Variants in MSH3 observed in about 807,000 individuals in gnomAD.
MSH3 encodes the protein mutS homolog 3.
In MSH3, 106 loss-of-function variants were observed where a neutral mutation model predicts 123.3. The ratio of observed to expected loss-of-function variants is 0.86; its 90% CI spans 0.73 to 1.01. The LOEUF is 1.01. MSH3 is among the 50% of genes least tolerant of loss of function. The pLI, the probability that MSH3 is intolerant of heterozygous loss-of-function variation, is 0.00. For synonymous variants in MSH3, 515 were observed against 481.4 expected (o/e 1.07, Z -0.91); for missense variants, 1,459 against 1,347.6 (o/e 1.08, Z -1.29).
rs759757672 is a variant in MSH3 at position 80,875,814 on chromosome 5, G to A, written c.3366G>A (p.Trp1122Ter). 1.9e-6 allele frequency: 3 copies of A among 1,613,772 alleles called. No individual in the cohort carries two copies. The Admixed American group carries it at 5.0e-5, about 27-fold the overall frequency. The change falls in exon 24 of 24, where the codon TGG becomes TGA. Residue 1122 changes from tryptophan to a stop codon, truncating the protein, a stop_gained. Transcript: ENST00000265081. LOFTEE classifies it low-confidence loss of function (END_TRUNC). ...ATAATGCACAAGACCTGCAGAAGTG[G>A]ACAGAGGAGTTCAACATGGAAGAAA... ...TMHNAQDLQK[W>*]TEEFNMEETQ...
At chr5:80,798,571 G>A (rs1348582257) in intron 19 of MSH3, among the ~76,000 whole-genome samples, 1 of 152,120 alleles carries the variant, frequency 6.6e-6, no homozygotes, top group East Asian at 1.9e-4. Context: ...TAATTCCATG[G>A]CTAAATTATA....
chr5:80,875,203 A>G (rs191310568), intron 23 of MSH3, among the ~76,000 whole-genome samples: 37 of 152,308 alleles, frequency 2.4e-4, no homozygotes, highest in African/African-American at 2.4e-4. Context: ...GAGACCAGCA[A>G]GGACAGGACA....
At position 80,768,949 on chromosome 5, in the gene MSH3, A is replaced by T; in HGVS notation, c.2199A>T (p.Ile733=). 6.2e-7 allele frequency: 1 copy of T among 1,613,176 alleles called. No homozygotes were observed. Among genetic ancestry groups the T allele is most frequent in the Non-Finnish European group, 8.5e-7 (1 of 1,179,352 alleles). The change falls in exon 15 of 24, where the codon ATA becomes ATT. Residue 733 remains isoleucine, a synonymous_variant. Coordinates refer to ENST00000265081, the MANE Select transcript of MSH3 (RefSeq NM_002439.5). ...AGATCCGAATGCATTTGCAAGAAAT[A>T]CGAAAAATACTAAAAAATCCTTCTG... ...IDEIRMHLQE[I]RKILKNPSAQ...
intron 10 of MSH3, among the ~76,000 whole-genome samples, chr5:80,735,269 A>G (rs1258778188): frequency 6.6e-6 from 1 of 151,116 alleles, no homozygotes; most frequent in Non-Finnish European, 1.5e-5. Flanking sequence ...CTGTAATCCT[A>G]GCTACTTGAG....
intron 8 of MSH3, among the ~76,000 whole-genome samples, chr5:80,698,595 G>A (rs964082360): frequency 6.6e-6 from 1 of 152,118 alleles, no homozygotes; most frequent in African/African-American, 2.4e-5. Flanking sequence ...AGTTTGGCTG[G>A]GTTACTCTGC....
rs555608568 is a variant in MSH3 at position 80,654,671 on chromosome 5, C to A, written c.-57C>A. ...GCCCGCAGACGCCTGGGAACTGCGG[C>A]CGCGGGCTCGCGCTCCTCGCCAGGC... On this transcript the variant is annotated 5_prime_UTR_variant, in exon 1 of 24. Coordinates refer to ENST00000265081, the MANE Select transcript of MSH3 (RefSeq NM_002439.5). 1 of 1,514,520 alleles carries A rather than the reference C, an allele frequency of 6.6e-7. No homozygotes were observed. The highest frequency in any genetic ancestry group is 8.9e-7 in the Non-Finnish European group (1 of 1,120,528). The allele number at this position is 1,514,520 out of a possible 1,614,324, so 93.8% of individuals were successfully genotyped here.
intron 19 of MSH3, among the ~76,000 whole-genome samples, chr5:80,798,386 C>T (rs1039423305): frequency 5.3e-5 from 8 of 152,094 alleles, no homozygotes; most frequent in African/African-American, 1.9e-4. Context: ...CAATTCCTTC[C>T]CTTATCTCAG....
intron 8 of MSH3, among the ~76,000 whole-genome samples, chr5:80,717,554 A>T (rs1750988314): frequency 6.6e-6 from 1 of 152,126 alleles, no homozygotes; most frequent in African/African-American, 2.4e-5. Flanking sequence ...CCCAGCTAGT[A>T]GGTCTATTTT....
chr5:80,665,153 A>G lies in MSH3; in HGVS notation c.369A>G (p.Lys123=), dbSNP rs981070437. The G allele has an allele frequency of 6.2e-7, 1 of 1,613,936 alleles. No individual in the cohort carries two copies. The highest frequency in any genetic ancestry group is 8.5e-7 in the Non-Finnish European group (1 of 1,179,874). ...TATTTGCTGCCTAAGAGCCAAAGAAATGTCTGAGGACCAGGAATGTTTCAA... is the reference window on the plus strand; with the variant it reads ...TATTTGCTGCCTAAGAGCCAAAGAAGTGTCTGAGGACCAGGAATGTTTCAA... ...LGMSGNSEPK[K]CLRTRNVSKS... Residue 123 remains lysine (K), a synonymous_variant, in exon 3 of 24, where the codon AAA becomes AAG. Coordinates refer to ENST00000265081, the MANE Select transcript of MSH3 (RefSeq NM_002439.5).
chr5:80,728,813 A>C (rs1242923426), intron 9 of MSH3, 38 bp from the exon 10 acceptor site: 2 of 1,118,972 alleles, frequency 1.8e-6, no homozygotes, highest in Non-Finnish European at 2.7e-6. Flanking sequence ...TTAATTTAAA[A>C]GAATTTTTAT....
rs749397172 is a variant in MSH3, at chr5:80,679,037, T to C, written c.1284T>C (p.Leu428=). The C allele has an allele frequency of 6.2e-7, 1 of 1,614,144 alleles. No individual in the cohort carries two copies. Among genetic ancestry groups the C allele is most frequent in the South Asian group, 1.1e-5 (1 of 91,074 alleles). The change falls in exon 8 of 24, where the codon CTT becomes CTC. Residue 428 remains leucine, a synonymous_variant. Transcript: ENST00000265081. ...GCCTGCAGCCAGTAGAGCTGCTGCT[T>C]CCTTCGGCCTTGTCCGAGCAAACAG... The part of the protein sequence containing the change: ...MSSLQPVELL[L]PSALSEQTEA...
At chr5:80,749,164 A>C (rs1457379654) in intron 12 of MSH3, among the ~76,000 whole-genome samples, 2 of 152,178 alleles carry the variant, frequency 1.3e-5, no homozygotes, top group Non-Finnish European at 2.9e-5. Context: ...TCACAAGGTG[A>C]AGTCCCACTG....
intron 19 of MSH3, 64 bp from the exon 20 acceptor site, chr5:80,813,520 T>C: frequency 6.6e-7 from 1 of 1,523,216 alleles, no homozygotes; most frequent in Non-Finnish European, 9.1e-7. Context: ...ACTTATGAGA[T>C]AAATTGTGGA....
intron 20 of MSH3, among the ~76,000 whole-genome samples, chr5:80,837,839 A>T (rs1745544185): frequency 6.6e-6 from 1 of 152,160 alleles, no homozygotes; most frequent in Non-Finnish European, 1.5e-5. Context: ...CCAGGGTGGG[A>T]TTCTCACCTT....
rs1327490795 is a variant in MSH3, at chr5:80,691,851, TTATA to T, written c.1340+12761_1340+12764del. ...TATAGATAAATAAACATGTATATAT[TTATA>T]TAGCTAAACATGTATGTTTATATAG... On this transcript the variant is annotated intron_variant, in intron 8 of 23. Coordinates refer to ENST00000265081, the MANE Select transcript of MSH3 (RefSeq NM_002439.5). Among the ~76,000 whole-genome samples, 10 of 146,168 alleles carry T rather than the reference TTATA, an allele frequency of 6.8e-5. 2 individuals are homozygous for T. The South Asian group carries it at 8.6e-4, about 13-fold the overall frequency.
chr5:80,760,333 T>G (rs1455328931), intron 12 of MSH3, among the ~76,000 whole-genome samples: 1 of 152,252 alleles, frequency 6.6e-6, no homozygotes, highest in Non-Finnish European at 1.5e-5. Flanking sequence ...GGGCCTTTGA[T>G]GTTTATAGGT....
chr5:80,810,172 C>CAT (rs113702568), intron 19 of MSH3, among the ~76,000 whole-genome samples: 18,186 of 121,420 alleles, frequency 0.15, 1,543 homozygotes, highest in East Asian at 0.21. Context: ...GTTTGACATA[C>CAT]ATATATATAT....
intron 20 of MSH3, among the ~76,000 whole-genome samples, chr5:80,823,189 G>A (rs563629359): frequency 7.2e-5 from 11 of 152,234 alleles, no homozygotes; most frequent in African/African-American, 1.7e-4. Flanking sequence ...AAAATACCAT[G>A]GGGGATATGG....
intron 17 of MSH3, among the ~76,000 whole-genome samples, chr5:80,781,357 T>C (rs1055133171): frequency 2.6e-5 from 4 of 152,166 alleles, no homozygotes; most frequent in African/African-American, 9.7e-5. Context: ...ATTTCATAGA[T>C]CTGGCTTCTA....
Sources: gnomAD v4.1 joint callset for allele counts (sites outside exome capture counted in the v4.1 genomes callset) on GRCh38, gnomAD v4.1.1 for gene constraint, MANE v1.5 for transcripts, NCBI Gene and HGNC (gene_info 2026-07-23, HGNC 2026-07-21) for gene names.